Variants in PAK3 observed in about 807,000 individuals in gnomAD.
PAK3 encodes serine/threonine-protein kinase PAK 3.
In PAK3, 4 loss-of-function variants were observed where a neutral mutation model predicts 41.0. The ratio of observed to expected loss-of-function variants is 0.10; its 90% CI spans 0.05 to 0.22. PAK3 has a LOEUF of 0.22. PAK3 is among the 10% of genes least tolerant of loss of function. The pLI, the probability that PAK3 is intolerant of heterozygous loss-of-function variation, is 1.00. For missense variants in PAK3, 205 were observed against 409.9 expected, an observed-to-expected ratio of 0.50 and a Z score of 4.32; for synonymous variants, 146 against 139.6, an observed-to-expected ratio of 1.05 and a Z score of -0.32.
chrX:111,017,361 C>CA (rs1185242348), intron 1 of PAK3, among the ~76,000 whole-genome samples: 3 of 109,391 alleles, frequency 2.7e-5, no homozygotes, highest in African/African-American at 6.6e-5. Flanking sequence ...ATCGACTAAG[C>CA]AAAAAAAAGA....
chrX:111,087,069 A>C (rs944324281), intron 1 of PAK3, among the ~76,000 whole-genome samples: 4 of 110,444 alleles, frequency 3.6e-5, no homozygotes, highest in African/African-American at 1.3e-4. Flanking sequence ...TTTTGGCAGT[A>C]AACTTTAGCC....
At chrX:111,002,412 C>T (rs1415418995) in intron 1 of PAK3, among the ~76,000 whole-genome samples, 1 of 111,593 alleles carries the variant, frequency 9.0e-6, no homozygotes, top group Non-Finnish European at 1.9e-5. Context: ...GGATGCAGGA[C>T]ACACATGCTC....
intron 4 of PAK3, among the ~76,000 whole-genome samples, chrX:111,112,537 G>A (rs947442190): frequency 2.7e-5 from 3 of 110,384 alleles, no homozygotes; most frequent in African/African-American, 9.9e-5. Context: ...CTGTTCAAGT[G>A]CTATATCCTC....
At chrX:110,986,111 T>C (rs1395993579) in intron 1 of PAK3, among the ~76,000 whole-genome samples, 1 of 112,076 alleles carries the variant, frequency 8.9e-6, no homozygotes, top group Non-Finnish European at 1.9e-5. Flanking sequence ...TGAGATATCC[T>C]GTACTATCTT....
intron 5 of PAK3, among the ~76,000 whole-genome samples, chrX:111,138,032 A>T (rs772097226): frequency 1.8e-5 from 2 of 109,644 alleles, no homozygotes; most frequent in African/African-American, 6.8e-5. Context: ...ACTTACTGAA[A>T]GCTAGAGCTC....
intron 5 of PAK3, among the ~76,000 whole-genome samples, chrX:111,132,906 C>T (rs1486554746): frequency 9.0e-6 from 1 of 110,897 alleles, no homozygotes; most frequent in African/African-American, 3.3e-5. Flanking sequence ...ACACACACGC[C>T]GAGTTTGTGG....
intron 1 of PAK3, among the ~76,000 whole-genome samples, chrX:110,954,148 AG>A (rs1419094795): frequency 9.0e-6 from 1 of 111,720 alleles, no homozygotes; most frequent in African/African-American, 3.3e-5. Flanking sequence ...AGTCAGCACT[AG>A]TGTACACCAA....
chrX:111,209,954 G>A (rs773410949), intron 16 of PAK3, among the ~76,000 whole-genome samples: 65 of 111,699 alleles, frequency 5.8e-4, no homozygotes, highest in African/African-American at 2.1e-3. Flanking sequence ...CCTTAAACTT[G>A]GTAACCTAGT....
intron 1 of PAK3, among the ~76,000 whole-genome samples, chrX:110,972,892 A>G (rs1025921636): frequency 8.9e-6 from 1 of 111,915 alleles, no homozygotes; most frequent in Non-Finnish European, 1.9e-5. Flanking sequence ...GCTGAAAATC[A>G]TGGCACAAGA....
Position 111,222,600 on chromosome X carries a change from T to TA in PAK3, c.*2159dup, listed in dbSNP as rs1445490921. The TA allele has an allele frequency of 8.9e-6, 1 of 112,212 alleles. No homozygotes were observed. The highest frequency in any genetic ancestry group is 1.9e-5 in the Non-Finnish European group (1 of 53,191). The allele number at this position is 112,212 out of a possible 1,213,427, so 9.2% of individuals were successfully genotyped here. On this transcript the variant is annotated 3_prime_UTR_variant, in exon 18 of 18. Transcript: ENST00000372007. ...TGATTTCATTTAAAAATAAGTACTT[T>TA]AAAAAATTTTTCACTCATAGTGCCG...
chrX:111,077,564 C>G (rs1192845761), intron 1 of PAK3, among the ~76,000 whole-genome samples: 1 of 111,851 alleles, frequency 8.9e-6, no homozygotes, highest in Non-Finnish European at 1.9e-5. Flanking sequence ...GGGGAAAGAA[C>G]AGTCTCCTTA....
rs191788290 is a variant in PAK3 at position 111,225,168 on chromosome X, G to T, written c.*4721G>T. On this transcript the variant is annotated 3_prime_UTR_variant, in exon 18 of 18. Transcript: ENST00000372007. The stretch of plus-strand genomic sequence containing the variant: ...TATTTCTCCTATGAAAGAATTTTTC[G>T]TAGAAGATTTGTTTTTGATATAATC... 8.9e-5 allele frequency: 10 copies of T among 112,310 alleles called. No individual in the cohort carries two copies. Among genetic ancestry groups the T allele is most frequent in the African/African-American group, 3.2e-4 (10 of 30,947 alleles). The allele number at this position is 112,310 out of a possible 1,213,427, so 9.3% of individuals were successfully genotyped here.
chrX:110,949,978 A>G (rs1045974852), intron 1 of PAK3, among the ~76,000 whole-genome samples: 1 of 111,131 alleles, frequency 9.0e-6, no homozygotes, highest in Non-Finnish European at 1.9e-5. Context: ...TACCCTAGTC[A>G]AACACCTAAA....
At chrX:111,098,308 A>G (rs749295491) in intron 3 of PAK3, among the ~76,000 whole-genome samples, 1 of 86,004 alleles carries the variant, frequency 1.2e-5, no homozygotes, top group African/African-American at 4.2e-5. Flanking sequence ...CTACTAAATT[A>G]AGGTTAAAGA....
intron 1 of PAK3, among the ~76,000 whole-genome samples, chrX:110,945,878 G>A (rs2090608568): frequency 9.0e-6 from 1 of 111,227 alleles, no homozygotes; most frequent in Non-Finnish European, 1.9e-5. Context: ...TGTTTTTCAG[G>A]GTCCAAAAAT....
chrX:110,980,609 G>A (rs898659408), intron 1 of PAK3, among the ~76,000 whole-genome samples: 1 of 111,700 alleles, frequency 9.0e-6, no homozygotes, highest in African/African-American at 3.3e-5. Flanking sequence ...TAGGAGAAAC[G>A]ACATACACAT....
chrX:111,161,875 A>G lies in PAK3; in HGVS notation c.469-1040A>G, dbSNP rs1047120220. Among the ~76,000 whole-genome samples, 23 of 111,311 alleles carry G rather than the reference A, an allele frequency of 2.1e-4. 1 individual carries two copies. Among genetic ancestry groups the G allele is most frequent in the Admixed American group, 1.7e-3 (18 of 10,440 alleles). On this transcript the variant is annotated intron_variant, in intron 8 of 17. Coordinates refer to ENST00000372007, the MANE Select transcript of PAK3 (RefSeq NM_002578.5). ...GCTGTTTTGGTTACTGTAGCCTTGT[A>G]GTATAGTTTGAAGTCACAGGCTAGC... is the stretch of plus-strand genomic sequence containing the variant.
rs1171476649 is a variant in PAK3 at position 111,007,693 on chromosome X, TC to T, written c.-28+63070del. ...ACTTCCCAAACCTTGCTCTACCATT[TC>T]CCCCTCAAGGTAGCTCCTTTCCCCT... On this transcript the variant is annotated intron_variant, in intron 1 of 14. Coordinates refer to the PAK3 transcript ENST00000425146. Among the ~76,000 whole-genome samples the T allele has an allele frequency of 3.6e-5, 4 of 111,766 alleles. No individual in the cohort carries two copies. In the East Asian group the frequency reaches 1.1e-3, roughly 32 times the overall value.
At chrX:111,004,877 G>A (rs1016607913) in intron 1 of PAK3, among the ~76,000 whole-genome samples, 9 of 111,959 alleles carry the variant, frequency 8.0e-5, no homozygotes, top group Non-Finnish European at 1.1e-4. Flanking sequence ...TTCTCGACTC[G>A]TGGGTCAGAG....
Sources: gnomAD v4.1 joint callset for allele counts (sites outside exome capture counted in the v4.1 genomes callset) on GRCh38, gnomAD v4.1.1 for gene constraint, MANE v1.5 for transcripts, NCBI Gene and HGNC (gene_info 2026-07-23, HGNC 2026-07-21) for gene names.